ZNF99: variants seen among roughly 807,000 people sequenced by gnomAD.
ZNF99 encodes zinc finger protein 99.
In ZNF99, 8 loss-of-function variants were observed where a neutral mutation model predicts 12.8. The ratio of observed to expected loss-of-function variants is 0.62; its 90% CI spans 0.37 to 1.13. The LOEUF (loss-of-function observed/expected upper bound fraction) is 1.13. Among genes scored for constraint, ZNF99 ranks in the 50% most tolerant of loss-of-function variants. The probability of loss-of-function intolerance (pLI) is 0.02; values close to 1 mark genes in which losing one functional copy is unlikely to be tolerated. For missense variants in ZNF99, 1,007 were observed against 1,006.2 expected (o/e 1.00, Z -0.01); for synonymous variants, 318 against 319.0 (o/e 1.00, Z 0.03).
chr19:22,758,597 A>C lies in ZNF99; in HGVS notation c.1312T>G (p.Ser438Ala). 1 of 1,613,324 alleles carries C rather than the reference A, an allele frequency of 6.2e-7. No homozygotes were observed. Among genetic ancestry groups the C allele is most frequent in the Non-Finnish European group, 8.5e-7 (1 of 1,179,720 alleles). The change falls in exon 4 of 4, where the codon TCA becomes GCA. Residue 438 changes from serine to alanine, a missense_variant. Ser to Ala is a moderately conservative substitution (Grantham distance 99). Transcript: ENST00000596209. Reference sequence around the variant, plus strand: ...ATTATCTTATGTTTTCTAAGGGCTGAGAAACGCTTAAAAGCTTTGCCACAT... The same window carrying C: ...ATTATCTTATGTTTTCTAAGGGCTGCGAAACGCTTAAAAGCTTTGCCACAT... ...EECGKAFKRF[S>A]ALRKHKIIHT...
In ZNF99 at chr19:22,756,862, C is replaced by T. The variant is rs570795570; in HGVS notation, c.*452G>A. The stretch of plus-strand genomic sequence containing the variant: ...AAATGCTTAAAAGCTTTGCCACATT[C>T]TTCACATTTGTAGGGTTTCTCTACA... On this transcript the variant is annotated 3_prime_UTR_variant, in exon 4 of 4. Coordinates refer to ENST00000596209, the MANE Select transcript of ZNF99 (RefSeq NM_001080409.3). 59 of 1,611,824 alleles carry T rather than the reference C, an allele frequency of 3.7e-5. No homozygotes were observed. In the African/African-American group the frequency reaches 7.5e-4, roughly 20 times the overall value.
rs146038371 is a variant in ZNF99, at chr19:22,769,282, C to T, written c.46G>A (p.Glu16Lys). The T allele has an allele frequency of 9.3e-4, 1,501 of 1,610,146 alleles. 19 individuals are homozygous for T. In the African/African-American group the frequency reaches 0.017, roughly 18 times the overall value. The change falls in exon 2 of 4, where the codon GAG becomes AAG. Residue 16 changes from glutamate (E) to lysine (K), a missense_variant. Glu to Lys is a moderately conservative substitution (Grantham distance 56). Coordinates refer to ENST00000596209, the MANE Select transcript of ZNF99 (RefSeq NM_001080409.3). Reference sequence around the variant, plus strand: ...GCCATGTCCAGGCATTGCCACTCCTCCAGAGCGAATTCTATGGTCACATCC... The same window carrying T: ...GCCATGTCCAGGCATTGCCACTCCTTCAGAGCGAATTCTATGGTCACATCC... ...FWDVTIEFAL[E>K]EWQCLDMAQQ...
chr19:22,756,894 A>T lies in ZNF99; in HGVS notation c.*420T>A. ...TTTGTAGGGTTTCTCTACAGTATGA[A>T]TTACCTTATGTTCCATAAGTTTTGA... On this transcript the variant is annotated 3_prime_UTR_variant, in exon 4 of 4. Transcript: ENST00000596209. 1 of 1,610,880 alleles carries T rather than the reference A, an allele frequency of 6.2e-7. No individual in the cohort carries two copies. The highest frequency in any genetic ancestry group is 8.5e-7 in the Non-Finnish European group (1 of 1,178,768).
intron 1 of ZNF99, among the ~76,000 whole-genome samples, chr19:22,777,875 C>T (rs1279913111): frequency 6.6e-6 from 1 of 151,766 alleles, no homozygotes; most frequent in Non-Finnish European, 1.5e-5. Flanking sequence ...AGTGGATATG[C>T]TTGTAAGAAG....
intron 1 of ZNF99, chr19:22,769,944 C>T (rs1408900007): frequency 5.9e-6 from 8 of 1,359,578 alleles, no homozygotes; most frequent in African/African-American, 1.5e-5. Context: ...TTAAATCATA[C>T]AGAATAAGTC....
chr19:22,776,204 A>G (rs1488027670), intron 1 of ZNF99, among the ~76,000 whole-genome samples: 1 of 151,338 alleles, frequency 6.6e-6, no homozygotes, highest in Admixed American at 6.6e-5. Flanking sequence ...TAAAAAAATT[A>G]GCTGGGTGTG....
chr19:22,754,872 C>T lies in ZNF99; in HGVS notation c.*2442G>A, dbSNP rs1973026291. ...ATCACCAGAGGTCGGGAGTTCGAGA[C>T]CAGCTTGACCAACATGGAGAAACCC... On this transcript the variant is annotated 3_prime_UTR_variant, in exon 4 of 4. Transcript: ENST00000596209. 5.6e-6 allele frequency: 1 copy of T among 179,470 alleles called. No individual in the cohort carries two copies. Among genetic ancestry groups the T allele is most frequent in the Non-Finnish European group, 1.2e-5 (1 of 85,590 alleles). The allele number at this position is 179,470 out of a possible 1,614,324, so 11.1% of individuals were successfully genotyped here. A position where few individuals can be genotyped will look rare whatever the true frequency, so the allele number is the denominator to read the frequency against.
chr19:22,769,818 T>C, intron 1 of ZNF99: 1 of 1,255,766 alleles, frequency 8.0e-7, no homozygotes, highest in Non-Finnish European at 1.0e-6. Flanking sequence ...ATTCTCAAAC[T>C]CTGAGAAAAA....
In ZNF99 at chr19:22,757,906, TTA is replaced by T; in HGVS notation, c.2001_2002del (p.His667GlnfsTer6). On this transcript the variant is annotated frameshift_variant, in exon 4 of 4. Coordinates refer to ENST00000596209, the MANE Select transcript of ZNF99 (RefSeq NM_001080409.3). LOFTEE classifies it low-confidence loss of function (END_TRUNC). ...GGGTTTCTCTTCAGTATGAATTACT[TTA>T]TGTCTAGTAAGGTGTGAGGACCACT... 1.2e-6 allele frequency: 2 copies of T among 1,612,646 alleles called. No homozygotes were observed. Among genetic ancestry groups the T allele is most frequent in the Non-Finnish European group, 1.7e-6 (2 of 1,179,094 alleles).
Position 22,776,408 on chromosome 19 carries a change from GATATATATATATAT to G in ZNF99, c.4-7098_4-7085del, listed in dbSNP as rs55638958. Among the ~76,000 whole-genome samples, 241 of 69,356 alleles carry G rather than the reference GATATATATATATAT, an allele frequency of 3.5e-3. 1 individual carries two copies. Among genetic ancestry groups the G allele is most frequent in the South Asian group, 3.7e-3 (6 of 1,628 alleles). The allele number at this position is 69,356 out of a possible 152,430, so 45.5% of individuals were successfully genotyped here. A position where few individuals can be genotyped will look rare whatever the true frequency, so the allele number is the denominator to read the frequency against. Reference sequence around the variant, plus strand: ...CATGAGCAAACTTTTTCCAAAATAAGATATATATATATATATATATATATATATATATATATATA... The same window carrying G: ...CATGAGCAAACTTTTTCCAAAATAAGATATATATATATATATATATATATA... On this transcript the variant is annotated intron_variant, in intron 1 of 3. Coordinates refer to ENST00000596209, the MANE Select transcript of ZNF99 (RefSeq NM_001080409.3).
At chr19:22,774,876 A>AAAAAAAAAAAAAAAAAAAAAAC (rs1973308908) in intron 1 of ZNF99, among the ~76,000 whole-genome samples, 1 of 151,664 alleles carries the variant, frequency 6.6e-6, no homozygotes, top group African/African-American at 2.4e-5. Context: ...ACTCAAAATT[A>AAAAAAAAAAAAAAAAAAAAAAC]AAAAAAAGAA....
rs1456201783 is a variant in ZNF99, at chr19:22,755,631, CA to C, written c.*1682del. 1 of 275,710 alleles carries C rather than the reference CA, an allele frequency of 3.6e-6. No individual in the cohort carries two copies. Among genetic ancestry groups the C allele is most frequent in the Non-Finnish European group, 7.4e-6 (1 of 134,834 alleles). The allele number at this position is 275,710 out of a possible 1,614,324, so 17.1% of individuals were successfully genotyped here. A position where few individuals can be genotyped will look rare whatever the true frequency, so the allele number is the denominator to read the frequency against. On this transcript the variant is annotated 3_prime_UTR_variant, in exon 4 of 4. Transcript: ENST00000596209. ...TCTTTAAATTTGTAGTGTTCCTCTC[CA>C]AGATAAATTATTTTATGTTGAGTAA...
chr19:22,783,631 GAA>G (rs1010172639), intron 1 of ZNF99, among the ~76,000 whole-genome samples: 1 of 152,106 alleles, frequency 6.6e-6, no homozygotes, highest in Admixed American at 6.5e-5. Flanking sequence ...TTTAATAGGA[GAA>G]AAGAGGGACT....
chr19:22,756,472 T>G lies in ZNF99; in HGVS notation c.*842A>C. 6.3e-7 allele frequency: 1 copy of G among 1,595,204 alleles called. No individual in the cohort carries two copies. Among genetic ancestry groups the G allele is most frequent in the Non-Finnish European group, 8.5e-7 (1 of 1,173,646 alleles). ...ACATTTGTAGGGTTTCTTTCCAGTA[T>G]GAATTATCCTATGTTTAGTAAGGCG... On this transcript the variant is annotated 3_prime_UTR_variant, in exon 4 of 4. Transcript: ENST00000596209.
chr19:22,755,325 A>T lies in ZNF99; in HGVS notation c.*1989T>A. The T allele has an allele frequency of 3.9e-6, 1 of 253,254 alleles. No homozygotes were observed. The allele number at this position is 253,254 out of a possible 1,614,324, so 15.7% of individuals were successfully genotyped here. ...CAGTATCAACTATTTTCTGTTGAGTAAGGTCTGAAAACCAGTTAAAAGCTT... is the reference window on the plus strand; with the variant it reads ...CAGTATCAACTATTTTCTGTTGAGTTAGGTCTGAAAACCAGTTAAAAGCTT... On this transcript the variant is annotated 3_prime_UTR_variant, in exon 4 of 4. Transcript: ENST00000596209.
At position 22,757,192 on chromosome 19, in the gene ZNF99, A is replaced by T. The variant is rs761910209; in HGVS notation, c.*122T>A. On this transcript the variant is annotated 3_prime_UTR_variant, in exon 4 of 4. Transcript: ENST00000596209. ...GTGAGGACTGCTTAAAAGCTTTGCC[A>T]CATTCTTCACATTTGTATGGTTTCT... The T allele has an allele frequency of 6.2e-7, 1 of 1,613,066 alleles. No homozygotes were observed. Among genetic ancestry groups the T allele is most frequent in the Non-Finnish European group, 8.5e-7 (1 of 1,179,500 alleles).
In ZNF99 at chr19:22,763,324, T is replaced by C. The variant is rs576561744; in HGVS notation, c.227-3642A>G. Among the ~76,000 whole-genome samples the C allele has an allele frequency of 1.1e-4, 16 of 152,238 alleles. No homozygotes were observed. The South Asian group carries it at 3.3e-3, about 32-fold the overall frequency. On this transcript the variant is annotated intron_variant, in intron 3 of 3. Coordinates refer to ENST00000596209, the MANE Select transcript of ZNF99 (RefSeq NM_001080409.3). ...ATTAATGCATACAAATCAGTAGCTC[T>C]TCTATACACCAACAGCGACGAAGCA...
rs1423147163 is a variant in ZNF99, at chr19:22,769,344, T to C, written c.4-20A>G. The C allele has an allele frequency of 1.3e-6, 2 of 1,589,308 alleles. No individual in the cohort carries two copies. The highest frequency in any genetic ancestry group is 1.4e-5 in the African/African-American group (1 of 73,430). Reference sequence around the variant, plus strand: ...CGATCCCTGAAAAACACAACAAAGATACATATAGATTTCCCAATTGGCCAT... The same window carrying C: ...CGATCCCTGAAAAACACAACAAAGACACATATAGATTTCCCAATTGGCCAT... On this transcript the variant is annotated intron_variant, in intron 1 of 3. Coordinates refer to ENST00000596209, the MANE Select transcript of ZNF99 (RefSeq NM_001080409.3).
rs1973010505 is a variant in ZNF99, at chr19:22,754,100, T to C, written c.*3214A>G. 2.2e-6 allele frequency: 1 copy of C among 454,882 alleles called. No individual in the cohort carries two copies. The highest frequency in any genetic ancestry group is 4.4e-6 in the Non-Finnish European group (1 of 226,722). The allele number at this position is 454,882 out of a possible 1,614,324, so 28.2% of individuals were successfully genotyped here. A position where few individuals can be genotyped will look rare whatever the true frequency, so the allele number is the denominator to read the frequency against. On this transcript the variant is annotated 3_prime_UTR_variant, in exon 4 of 4. Coordinates refer to ENST00000596209, the MANE Select transcript of ZNF99 (RefSeq NM_001080409.3). Reference sequence around the variant, plus strand: ...GACCGGGCTCAATGGCTCATGCTTGTAATCCCAGCACTTTGGGGCACTTTG... The same window carrying C: ...GACCGGGCTCAATGGCTCATGCTTGCAATCCCAGCACTTTGGGGCACTTTG...
Sources: gnomAD v4.1 joint callset for allele counts (sites outside exome capture counted in the v4.1 genomes callset) on GRCh38, gnomAD v4.1.1 for gene constraint, MANE v1.5 for transcripts, NCBI Gene and HGNC (gene_info 2026-07-23, HGNC 2026-07-21) for gene names.